LRRTM4: variants seen among roughly 807,000 people sequenced by gnomAD.
LRRTM4 encodes the protein leucine-rich repeat transmembrane neuronal protein 4.
Under a neutral mutation model 47.6 loss-of-function variants are expected in LRRTM4, and 25 were observed. That is an observed-to-expected ratio of 0.53 (90% CI 0.38 to 0.73). LRRTM4 has a LOEUF of 0.73. Among genes scored for constraint, LRRTM4 ranks in the 30% least tolerant of loss-of-function variants. LRRTM4 has a pLI of 0.00. For synonymous variants in LRRTM4, 311 were observed against 269.5 expected (o/e 1.15, Z -1.51); for missense variants, 638 against 713.4 (o/e 0.89, Z 1.20).
intron 3 of LRRTM4, among the ~76,000 whole-genome samples, chr2:77,068,763 A>C (rs2103820513): frequency 6.6e-6 from 1 of 152,346 alleles, no homozygotes; most frequent in South Asian, 2.1e-4. Context: ...ATCTGGCCAT[A>C]AACTGGCCCC....
chr2:76,835,251 T>TA (rs772476953), intron 3 of LRRTM4, among the ~76,000 whole-genome samples: 2 of 151,748 alleles, frequency 1.3e-5, no homozygotes, highest in African/African-American at 2.4e-5. Context: ...CCAATAAAGT[T>TA]AAAAAAATAT....
At chr2:77,027,149 T>G (rs1296750499) in intron 3 of LRRTM4, among the ~76,000 whole-genome samples, 2 of 152,074 alleles carry the variant, frequency 1.3e-5, no homozygotes, top group Non-Finnish European at 1.5e-5. Context: ...ATGGACTATT[T>G]CCACCACTAG....
chr2:77,158,405 T>C (rs1190603178), intron 3 of LRRTM4, among the ~76,000 whole-genome samples: 1 of 152,202 alleles, frequency 6.6e-6, no homozygotes, highest in East Asian at 1.9e-4. Context: ...TTATTTTATC[T>C]TTTTGGGGAA....
intron 3 of LRRTM4, among the ~76,000 whole-genome samples, chr2:76,789,938 T>G (rs746119511): frequency 1.2e-4 from 18 of 152,208 alleles, no homozygotes; most frequent in Admixed American, 3.3e-4. Flanking sequence ...GGTCCTGTCT[T>G]GCAGTCCCCA....
intron 3 of LRRTM4, among the ~76,000 whole-genome samples, chr2:77,029,612 A>G (rs932108793): frequency 3.3e-5 from 5 of 152,214 alleles, no homozygotes; most frequent in African/African-American, 1.2e-4. Flanking sequence ...TTGACACTCA[A>G]TATTAGCCAT....
chr2:76,782,109 CT>C (rs1674428464), intron 3 of LRRTM4, among the ~76,000 whole-genome samples: 1 of 152,060 alleles, frequency 6.6e-6, no homozygotes, highest in Non-Finnish European at 1.5e-5. Context: ...ATATGTATGC[CT>C]TTCTTATAGC....
chr2:77,521,872 CAT>C (rs144600007), intron 1 of LRRTM4, 54 bp from the exon 2 acceptor site: 3,765 of 202,328 alleles, frequency 0.019, 121 homozygotes, highest in African/African-American at 0.081. Flanking sequence ...TATATATATA[CAT>C]ATATATATAT....
intron 3 of LRRTM4, among the ~76,000 whole-genome samples, chr2:76,788,457 G>C (rs1187309015): frequency 6.6e-6 from 1 of 152,130 alleles, no homozygotes; most frequent in Non-Finnish European, 1.5e-5. Context: ...ACAAGGTCAC[G>C]TTTACTCGTA....
chr2:77,302,779 G>A lies in LRRTM4; in HGVS notation c.1551+215539C>T, dbSNP rs1007235832. Among the ~76,000 whole-genome samples the A allele has an allele frequency of 3.3e-5, 5 of 152,278 alleles. No homozygotes were observed. In the South Asian group the frequency reaches 8.3e-4, roughly 25 times the overall value. On this transcript the variant is annotated intron_variant, in intron 3 of 3. Coordinates refer to ENST00000409884, the MANE Select transcript of LRRTM4 (RefSeq NM_001134745.3). Reference sequence around the variant, plus strand: ...GCACACGCCCCTTCCTGAGACTGTGGAATGAGGTTGTGGGAACTTCTATCA... The same window carrying A: ...GCACACGCCCCTTCCTGAGACTGTGAAATGAGGTTGTGGGAACTTCTATCA...
rs187990194 is a variant in LRRTM4 at position 77,486,017 on chromosome 2, G to A, written c.1551+32301C>T. The stretch of plus-strand genomic sequence containing the variant: ...GCCTCTCAGAGTGCTAGGATTACAG[G>A]TGTGTCTCACTATGCCCAGCCTAAA... On this transcript the variant is annotated intron_variant, in intron 3 of 3. Transcript: ENST00000409884. Among the ~76,000 whole-genome samples the A allele has an allele frequency of 2.3e-4, 35 of 152,186 alleles. No individual in the cohort carries two copies. In the East Asian group the frequency reaches 4.1e-3, roughly 18 times the overall value.
rs773525597 is a variant in LRRTM4 at position 77,008,608 on chromosome 2, T to C, written c.1552-259692A>G. The stretch of plus-strand genomic sequence containing the variant: ...AATGCAATTCCTGACAGCTGTATAA[T>C]TGAATAACATCTGGATACCAGACTA... On this transcript the variant is annotated intron_variant, in intron 3 of 3. Transcript: ENST00000409884. Among the ~76,000 whole-genome samples, 7 of 152,250 alleles carry C rather than the reference T, an allele frequency of 4.6e-5. No individual in the cohort carries two copies. In the South Asian group the frequency reaches 6.2e-4, roughly 14 times the overall value.
intron 3 of LRRTM4, among the ~76,000 whole-genome samples, chr2:77,032,153 G>A (rs10199256): frequency 0.56 from 84,787 of 151,910 alleles, 25,999 homozygotes; most frequent in African/African-American, 0.82. Flanking sequence ...GCTCTGCAGT[G>A]ACTTTCACAT....
chr2:77,249,961 T>C (rs1675557497), intron 3 of LRRTM4, among the ~76,000 whole-genome samples: 1 of 152,196 alleles, frequency 6.6e-6, no homozygotes, highest in African/African-American at 2.4e-5. Context: ...CTATGGTCCA[T>C]CTATATAATG....
chr2:76,885,252 A>C (rs1673036899), intron 3 of LRRTM4, among the ~76,000 whole-genome samples: 1 of 152,068 alleles, frequency 6.6e-6, no homozygotes, highest in Non-Finnish European at 1.5e-5. Context: ...TTGAATGGTG[A>C]CTTGAAAAGA....
At chr2:77,023,896 C>T (rs1359333831) in intron 3 of LRRTM4, among the ~76,000 whole-genome samples, 1 of 152,078 alleles carries the variant, frequency 6.6e-6, no homozygotes, top group Non-Finnish European at 1.5e-5. Flanking sequence ...TCTAGTGGTA[C>T]CAATTTACTG....
intron 3 of LRRTM4, among the ~76,000 whole-genome samples, chr2:77,074,441 A>T (rs148413267): frequency 1.3e-5 from 2 of 152,190 alleles, no homozygotes; most frequent in South Asian, 2.1e-4. Context: ...TAGTAAGATC[A>T]TATCTTCTGT....
At position 76,867,118 on chromosome 2, in the gene LRRTM4, G is replaced by A. The variant is rs369701247; in HGVS notation, c.1552-118202C>T. On this transcript the variant is annotated intron_variant, in intron 3 of 3. Transcript: ENST00000409884. ...ACATTAGGACAAATACCTAATGCAT[G>A]TGGGGGTTAAAACCTAGATGACGGG... is the stretch of plus-strand genomic sequence containing the variant. Among the ~76,000 whole-genome samples the A allele has an allele frequency of 2.0e-4, 30 of 152,240 alleles. No homozygotes were observed. The East Asian group carries it at 5.2e-3, about 26-fold the overall frequency.
At chr2:77,150,867 G>T (rs1293004214) in intron 3 of LRRTM4, among the ~76,000 whole-genome samples, 1 of 151,824 alleles carries the variant, frequency 6.6e-6, no homozygotes, top group Non-Finnish European at 1.5e-5. Context: ...TTCTTCCCTT[G>T]CCATAGTCTT....
intron 3 of LRRTM4, among the ~76,000 whole-genome samples, chr2:77,103,831 C>T (rs921372624): frequency 6.6e-6 from 1 of 151,800 alleles, no homozygotes; most frequent in African/African-American, 2.4e-5. Flanking sequence ...CCACAAACTG[C>T]AGGAAACTCA....
Sources: allele counts gnomAD v4.1 joint callset (sites outside exome capture counted in the v4.1 genomes callset), GRCh38; gene constraint gnomAD v4.1.1; transcripts MANE v1.5; gene names NCBI Gene and HGNC (gene_info 2026-07-23, HGNC 2026-07-21).